The following PCDH8 variants were observed in gnomAD, a reference collection of about 807,000 sequenced individuals.
PCDH8 encodes the protein protocadherin-8.
In PCDH8, 36 loss-of-function variants were observed where a neutral mutation model predicts 58.2. The observed-to-expected ratio is 0.62, with a 90% confidence interval of 0.47 to 0.82. The LOEUF is 0.82. Ranked by LOEUF, PCDH8 falls within the 40% of genes least tolerant of loss-of-function variation. The pLI is 0.00. For synonymous variants in PCDH8, 775 were observed against 728.9 expected, an observed-to-expected ratio of 1.06 and a Z score of -1.02; for missense variants, 1,493 against 1,567.8, an observed-to-expected ratio of 0.95 and a Z score of 0.81.
chr13:52,845,155 A>T (rs978825646), intron 2 of PCDH8, among the ~76,000 whole-genome samples: 1 of 152,094 alleles, frequency 6.6e-6, no homozygotes, highest in Non-Finnish European at 1.5e-5. Flanking sequence ...GAAAAAAAAA[A>T]TTGATAAGCA....
In PCDH8 at chr13:52,848,242, C is replaced by T; in HGVS notation, c.195G>A (p.Leu65=). 3 of 1,613,698 alleles carry T rather than the reference C, an allele frequency of 1.9e-6. No homozygotes were observed. The highest frequency in any genetic ancestry group is 1.3e-5 in the African/African-American group (1 of 75,070). Reference sequence around the variant, plus strand: ...GCAGAGAGCTGTTGAATTGCTTCATCAGGCGGAAGCTTGTGTCACCCGATA... The same window carrying T: ...GCAGAGAGCTGTTGAATTGCTTCATTAGGCGGAAGCTTGTGTCACCCGATA... The part of the protein sequence containing the change: ...MKVSGDTSFR[L]MKQFNSSLLR... The change falls in exon 1 of 3, where the codon CTG becomes CTA. Residue 65 remains leucine, a synonymous_variant. Coordinates refer to ENST00000377942, the MANE Select transcript of PCDH8 (RefSeq NM_002590.4).
chr13:52,847,217 C>A lies in PCDH8; in HGVS notation c.1220G>T (p.Arg407Leu). 2 of 1,405,836 alleles carry A rather than the reference C, an allele frequency of 1.4e-6. No homozygotes were observed. Among genetic ancestry groups the A allele is most frequent in the Non-Finnish European group, 1.8e-6 (2 of 1,087,556 alleles). The allele number at this position is 1,405,836 out of a possible 1,614,324, so 87.1% of individuals were successfully genotyped here. ...GCTGACCAGGGCCACCAGGCTCTCG[C>A]GCGCCGCCCCCTCCGGCACCAGCGA... ...ATSLVPEGAA[R>L]ESLVALVSTS... The change falls in exon 1 of 3, where the codon CGC becomes CTC. Residue 407 changes from arginine to leucine, a missense_variant. Physicochemically the swap from Arg to Leu is moderately radical, Grantham distance 102. Around this residue, in one of 3 missense-constraint regions of PCDH8, gnomAD observed 1,307 missense variants for 1,362.7 expected, o/e 0.96. Transcript: ENST00000377942.
Position 52,848,604 on chromosome 13 carries a change from G to T in PCDH8, c.-168C>A, listed in dbSNP as rs1213598276. 4 of 1,304,212 alleles carry T rather than the reference G, an allele frequency of 3.1e-6. No individual in the cohort carries two copies. In the African/African-American group the frequency reaches 6.0e-5, roughly 20 times the overall value. 80.8% of individuals were successfully genotyped at this position (1,304,212 alleles called of 1,614,324 possible). On this transcript the variant is annotated 5_prime_UTR_variant, in exon 1 of 3. Transcript: ENST00000377942. ...GCGGGCTCTGAGGACGCGCGGACCC[G>T]CCCTCACTCTGCGCCTCTCCGTCTC...
chr13:52,848,448 C>A lies in PCDH8; in HGVS notation c.-12G>T. The A allele has an allele frequency of 6.3e-7, 1 of 1,577,080 alleles. No individual in the cohort carries two copies. Reference sequence around the variant, plus strand: ...CTCACAGGACTCATGCCTCCAGCCTCAAGTGCGATCCGAAAGGCTAAGGAA... The same window carrying A: ...CTCACAGGACTCATGCCTCCAGCCTAAAGTGCGATCCGAAAGGCTAAGGAA... On this transcript the variant is annotated 5_prime_UTR_variant, in exon 1 of 3. Coordinates refer to ENST00000377942, the MANE Select transcript of PCDH8 (RefSeq NM_002590.4).
rs1216592727 is a variant in PCDH8, at chr13:52,847,685, G to A, written c.752C>T (p.Ala251Val). The A allele has an allele frequency of 1.9e-6, 3 of 1,556,008 alleles. No individual in the cohort carries two copies. Among genetic ancestry groups the A allele is most frequent in the Admixed American group, 3.6e-5 (2 of 55,158 alleles). ...HSPAFPQGAV[A>V]EVELAEDAPV... ...CGCGTCTTCCGCCAGCTCCACTTCGGCCACGGCGCCCTGCGGGAAGGCCGG... is the reference window on the plus strand; with the variant it reads ...CGCGTCTTCCGCCAGCTCCACTTCGACCACGGCGCCCTGCGGGAAGGCCGG... Residue 251 changes from alanine (A) to valine (V), a missense_variant, in exon 1 of 3, where the codon GCC (alanine) becomes GTC (valine). Transcript: ENST00000377942.
chr13:52,848,617 G>T lies in PCDH8; in HGVS notation c.-181C>A. On this transcript the variant is annotated 5_prime_UTR_variant, in exon 1 of 3. Transcript: ENST00000377942. ...ACGCGCGGACCCGCCCTCACTCTGC[G>T]CCTCTCCGTCTCTTACAGAAGCTGC... 1 of 1,225,188 alleles carries T rather than the reference G, an allele frequency of 8.2e-7. No homozygotes were observed. The highest frequency in any genetic ancestry group is 1.1e-6 in the Non-Finnish European group (1 of 922,914). The allele number at this position is 1,225,188 out of a possible 1,614,324, so 75.9% of individuals were successfully genotyped here.
chr13:52,845,559 T>A lies in PCDH8; in HGVS notation c.2705A>T (p.Asn902Ile), dbSNP rs1432318100. 2.5e-6 allele frequency: 4 copies of A among 1,614,054 alleles called. No homozygotes were observed. Among genetic ancestry groups the A allele is most frequent in the Non-Finnish European group, 3.4e-6 (4 of 1,180,046 alleles). ...PVAVWKGHSF[N>I]TISGREAEKF... Reference sequence around the variant, plus strand: ...CTCTGCTTCTCTGCCAGAAATGGTGTTGAAGGAGTGTCCTTTCCACACCGC... The same window carrying A: ...CTCTGCTTCTCTGCCAGAAATGGTGATGAAGGAGTGTCCTTTCCACACCGC... Residue 902 changes from asparagine (N) to isoleucine (I), a missense_variant, in exon 2 of 3, where the codon AAC becomes ATC. By Grantham distance (149) the Asn-to-Ile change is moderately radical (BLOSUM62 -3). Around this residue, in one of 3 missense-constraint regions of PCDH8, gnomAD observed 1,307 missense variants for 1,362.7 expected, o/e 0.96. Transcript: ENST00000377942.
At position 52,844,286 on chromosome 13, in the gene PCDH8, T is replaced by C. The variant is rs1965695966; in HGVS notation, c.*274A>G. ...TATACAAACATTACATTACACAATG[T>C]ACAGGTTAAAAACACTAAGAAAATG... On this transcript the variant is annotated 3_prime_UTR_variant, in exon 3 of 3. Coordinates refer to ENST00000377942, the MANE Select transcript of PCDH8 (RefSeq NM_002590.4). The C allele has an allele frequency of 7.9e-6, 2 of 252,438 alleles. No individual in the cohort carries two copies. Among genetic ancestry groups the C allele is most frequent in the African/African-American group, 4.4e-5 (2 of 45,298 alleles). The allele number at this position is 252,438 out of a possible 1,614,324, so 15.6% of individuals were successfully genotyped here. A position where few individuals can be genotyped will look rare whatever the true frequency, so the allele number is the denominator to read the frequency against.
Position 52,846,455 on chromosome 13 carries a change from G to T in PCDH8, c.1982C>A (p.Ala661Asp), listed in dbSNP as rs1204169005. ...CCCCGTGCGGCGGCCGATGGCGAAG[G>T]CTTCGCGCGGCTCCTGCTGCTGCAG... Reference protein sequence around the residue: ...FELQQQEPREAFAIGRRTGEI... With the variant: ...FELQQQEPREDFAIGRRTGEI... The change falls in exon 1 of 3, where the codon GCC becomes GAC. Residue 661 changes from alanine (A) to aspartate (D), a missense_variant. Physicochemically the swap from Ala to Asp is moderately radical, Grantham distance 126. Around this residue, in one of 3 missense-constraint regions of PCDH8, gnomAD observed 1,307 missense variants for 1,362.7 expected, o/e 0.96. Coordinates refer to ENST00000377942, the MANE Select transcript of PCDH8 (RefSeq NM_002590.4). 1.3e-6 allele frequency: 2 copies of T among 1,599,062 alleles called. No homozygotes were observed. Among genetic ancestry groups the T allele is most frequent in the Non-Finnish European group, 1.7e-6 (2 of 1,179,452 alleles).
At position 52,844,927 on chromosome 13, in the gene PCDH8, C is replaced by T. The variant is rs1055878926; in HGVS notation, c.2846G>A (p.Trp949Ter). Reference sequence around the variant, plus strand: ...GATCTTACACTCAGCGGTGCACGCCCACAGTCCTAATACGAAAGGGAAAAG... The same window carrying T: ...GATCTTACACTCAGCGGTGCACGCCTACAGTCCTAATACGAAAGGGAAAAG... ...DLINHMQSGL[W>*]ACTAECKILG... The change falls in exon 3 of 3, where the codon TGG becomes TAG. Residue 949 changes from tryptophan to a stop codon, truncating the protein, a stop_gained. Coordinates refer to ENST00000377942, the MANE Select transcript of PCDH8 (RefSeq NM_002590.4). LOFTEE classifies it high-confidence loss of function. 6.6e-7 allele frequency: 1 copy of T among 1,522,452 alleles called. No individual in the cohort carries two copies. The highest frequency in any genetic ancestry group is 1.3e-5 in the South Asian group (1 of 76,176). 94.3% of individuals were successfully genotyped at this position (1,522,452 alleles called of 1,614,324 possible). A position where few individuals can be genotyped will look rare whatever the true frequency, so the allele number is the denominator to read the frequency against.
Position 52,844,772 on chromosome 13 carries a change from C to T in PCDH8, c.3001G>A (p.Asp1001Asn), listed in dbSNP as rs1566263705. The T allele has an allele frequency of 1.2e-6, 2 of 1,613,310 alleles. No individual in the cohort carries two copies. The highest frequency in any genetic ancestry group is 1.7e-6 in the Non-Finnish European group (2 of 1,179,618). The change falls in exon 3 of 3, where the codon GAC becomes AAC. Residue 1001 changes from aspartate to asparagine, a missense_variant. By Grantham distance (23) the Asp-to-Asn change is conservative (BLOSUM62 1). Around this residue, in one of 3 missense-constraint regions of PCDH8, gnomAD observed 182 missense variants for 178.9 expected, o/e 1.02. Coordinates refer to ENST00000377942, the MANE Select transcript of PCDH8 (RefSeq NM_002590.4). ...TSLPRDPLRR[D>N]NYYQAQLPKT... ...GGCAGCTGGGCCTGGTAGTAATTGT[C>T]CCTGCGCAGAGGATCCCGAGGCAGT...
Position 52,844,469 on chromosome 13 carries a change from T to G in PCDH8, c.*91A>C. 9.2e-7 allele frequency: 1 copy of G among 1,092,384 alleles called. No individual in the cohort carries two copies. The highest frequency in any genetic ancestry group is 1.3e-6 in the Non-Finnish European group (1 of 774,300). 67.7% of individuals were successfully genotyped at this position (1,092,384 alleles called of 1,614,324 possible). ...AACAACTTCATTGTAAGGCACATCT[T>G]GCATATTTATATATACAACACTGAA... On this transcript the variant is annotated 3_prime_UTR_variant, in exon 3 of 3. Transcript: ENST00000377942.
rs1965729342 is a variant in PCDH8 at position 52,846,104 on chromosome 13, T to C, written c.2333A>G (p.Lys778Arg). ...IAIATTCNRR[K>R]KEVRKGGALR... is the part of the protein sequence containing the mutation. ...GGCCCCCCCTTTGCGCACCTCCTTCTTGCGGCGGTTGCAGGTGGTGGCGAT... is the reference window on the plus strand; with the variant it reads ...GGCCCCCCCTTTGCGCACCTCCTTCCTGCGGCGGTTGCAGGTGGTGGCGAT... The change falls in exon 1 of 3, where the codon AAG (lysine) becomes AGG (arginine). Residue 778 changes from lysine (K) to arginine (R), a missense_variant. Physicochemically the swap from Lys to Arg is conservative, Grantham distance 26. Coordinates refer to ENST00000377942, the MANE Select transcript of PCDH8 (RefSeq NM_002590.4). 2 of 1,579,534 alleles carry C rather than the reference T, an allele frequency of 1.3e-6. No homozygotes were observed. The highest frequency in any genetic ancestry group is 1.7e-6 in the Non-Finnish European group (2 of 1,170,132).
Position 52,846,810 on chromosome 13 carries a change from G to A in PCDH8, c.1627C>T (p.Arg543Cys). The A allele has an allele frequency of 1.9e-6, 3 of 1,549,816 alleles. No homozygotes were observed. The highest frequency in any genetic ancestry group is 2.4e-5 in the East Asian group (1 of 41,576). Residue 543 changes from arginine (R) to cysteine (C), a missense_variant, in exon 1 of 3, where the codon CGC becomes TGC. Arg to Cys is a radical substitution (Grantham distance 180). Transcript: ENST00000377942. ...TYRLLEAEVG[R>C]AGGAVSTYVS... ...TAAGTGGACACGGCGCCCCCGGCGCGGCCCACCTCGGCCTCCAGCAGCCGG... is the reference window on the plus strand; with the variant it reads ...TAAGTGGACACGGCGCCCCCGGCGCAGCCCACCTCGGCCTCCAGCAGCCGG...
At position 52,846,352 on chromosome 13, in the gene PCDH8, G is replaced by A; in HGVS notation, c.2085C>T (p.Gly695=). Residue 695 remains glycine, a synonymous_variant, in exon 1 of 3, where the codon GGC becomes GGT. Coordinates refer to ENST00000377942, the MANE Select transcript of PCDH8 (RefSeq NM_002590.4). ...VFRALLVISD[G]GRPPLTTTAT... is the part of the protein sequence containing the mutation. ...CGGTGGTGGTGAGCGGGGGACGGCC[G>A]CCGTCGGATATGACCAGGAGCGCCC... 1.3e-6 allele frequency: 2 copies of A among 1,565,970 alleles called. No homozygotes were observed. The highest frequency in any genetic ancestry group is 1.2e-5 in the South Asian group (1 of 85,644).
Position 52,843,049 on chromosome 13 carries a change from G to A in PCDH8, c.*1511C>T, listed in dbSNP as rs1272817418. On this transcript the variant is annotated 3_prime_UTR_variant, in exon 3 of 3. Coordinates refer to ENST00000377942, the MANE Select transcript of PCDH8 (RefSeq NM_002590.4). ...TAATGATACTTCCCATATCCTGGGG[G>A]TAGTTTGCTGATTAAATGAGATAAT... The A allele has an allele frequency of 6.6e-6, 1 of 152,188 alleles. No homozygotes were observed. The highest frequency in any genetic ancestry group is 1.5e-5 in the Non-Finnish European group (1 of 68,042). The allele number at this position is 152,188 out of a possible 1,614,324, so 9.4% of individuals were successfully genotyped here.
rs750249806 is a variant in PCDH8 at position 52,846,138 on chromosome 13, T to C, written c.2299A>G (p.Ile767Val). 1 of 1,582,602 alleles carries C rather than the reference T, an allele frequency of 6.3e-7. No homozygotes were observed. Among genetic ancestry groups the C allele is most frequent in the Admixed American group, 1.7e-5 (1 of 58,372 alleles). ...AGSCTLLLAA[I>V]IAIATTCNRR... ...TTGCAGGTGGTGGCGATGGCGATGATGGCGGCCAGCAGCAGCGTGCAGCTC... is the reference window on the plus strand; with the variant it reads ...TTGCAGGTGGTGGCGATGGCGATGACGGCGGCCAGCAGCAGCGTGCAGCTC... Residue 767 changes from isoleucine to valine, a missense_variant, in exon 1 of 3, where the codon ATC becomes GTC. Ile to Val is a conservative substitution (Grantham distance 29, BLOSUM62 3). Around this residue, in one of 3 missense-constraint regions of PCDH8, gnomAD observed 1,307 missense variants for 1,362.7 expected, o/e 0.96. Coordinates refer to ENST00000377942, the MANE Select transcript of PCDH8 (RefSeq NM_002590.4).
At position 52,846,023 on chromosome 13, in the gene PCDH8, G is replaced by T. The variant is rs568650642; in HGVS notation, c.2414C>A (p.Pro805Gln). The stretch of plus-strand genomic sequence containing the variant: ...CCCGGCTCCCCGGGCGGCCTCCTCC[G>T]GGGAGCCGGGAGCCGAGGCTCCGCC... Reference protein sequence around the residue: ...AGGGASAPGSPEEAARGAGPR... With the variant: ...AGGGASAPGSQEEAARGAGPR... The change falls in exon 1 of 3, where the codon CCG becomes CAG. Residue 805 changes from proline (P) to glutamine (Q), a missense_variant. Pro to Gln is a moderately conservative substitution (Grantham distance 76). Around this residue, in one of 3 missense-constraint regions of PCDH8, gnomAD observed 1,307 missense variants for 1,362.7 expected, o/e 0.96. Transcript: ENST00000377942. 10 of 1,485,260 alleles carry T rather than the reference G, an allele frequency of 6.7e-6. No homozygotes were observed. In the African/African-American group the frequency reaches 1.2e-4, roughly 18 times the overall value. 92.0% of individuals were successfully genotyped at this position (1,485,260 alleles called of 1,614,324 possible). A position where few individuals can be genotyped will look rare whatever the true frequency, so the allele number is the denominator to read the frequency against.
At position 52,846,086 on chromosome 13, in the gene PCDH8, C is replaced by G. The variant is rs376226669; in HGVS notation, c.2351G>C (p.Gly784Ala). 24 of 1,573,418 alleles carry G rather than the reference C, an allele frequency of 1.5e-5. No homozygotes were observed. The highest frequency in any genetic ancestry group is 3.5e-5 in the Admixed American group (2 of 56,818). The stretch of plus-strand genomic sequence containing the variant: ...GGGCCGCTCTTCCCGGAGGGCCCCC[C>G]CTTTGCGCACCTCCTTCTTGCGGCG... Reference protein sequence around the residue: ...CNRRKKEVRKGGALREERPGA... With the variant: ...CNRRKKEVRKAGALREERPGA... Residue 784 changes from glycine to alanine, a missense_variant, in exon 1 of 3, where the codon GGG (glycine) becomes GCG (alanine). By Grantham distance (60) the Gly-to-Ala change is moderately conservative. This residue lies in a region of PCDH8 where 1,307 missense variants were observed against 1,362.7 expected (regional missense o/e 0.96). Transcript: ENST00000377942.
Sources: allele counts gnomAD v4.1 joint callset (sites outside exome capture counted in the v4.1 genomes callset), GRCh38; gene constraint gnomAD v4.1.1; regional missense constraint gnomAD v4.1.1; transcripts MANE v1.5; gene names NCBI Gene and HGNC (gene_info 2026-07-23, HGNC 2026-07-21).